Variants in MPDZ observed in about 807,000 individuals in gnomAD.
MPDZ encodes multiple PDZ domain crumbs cell polarity complex component, also known as multiple PDZ domain protein.
In MPDZ, 234 loss-of-function variants were observed where a neutral mutation model predicts 239.1. The observed-to-expected ratio is 0.98, with a 90% CI of 0.88 to 1.09. The LOEUF (loss-of-function observed/expected upper bound fraction) is 1.09, where lower values mean the gene tolerates loss of function less well. Ranked by LOEUF, MPDZ falls within the 50% of genes least tolerant of loss-of-function variation. The pLI is 0.00. For synonymous variants in MPDZ, 1,048 were observed against 881.3 expected (o/e 1.19, Z -3.35); for missense variants, 3,175 against 2,510.0 (o/e 1.26, Z -5.66).
At chr9:13,107,648 T>G (rs1324258697) in intron 46 of MPDZ, among the ~76,000 whole-genome samples, 1 of 152,160 alleles carries the variant, frequency 6.6e-6, no homozygotes, top group South Asian at 2.1e-4. Context: ...TTTCTTTTTG[T>G]GGTTTTGAAA....
intron 17 of MPDZ, among the ~76,000 whole-genome samples, chr9:13,186,680 G>T (rs1365034858): frequency 6.6e-6 from 1 of 151,282 alleles, no homozygotes; most frequent in Non-Finnish European, 1.5e-5. Flanking sequence ...TTTTTTAAAT[G>T]AATTTTTTTT....
At chr9:13,241,283 G>C (rs1965339543) in intron 3 of MPDZ, among the ~76,000 whole-genome samples, 1 of 152,140 alleles carries the variant, frequency 6.6e-6, no homozygotes, top group Non-Finnish European at 1.5e-5. Flanking sequence ...TTTGCTGTCA[G>C]GTGGCTACAA....
intron 1 of MPDZ, among the ~76,000 whole-genome samples, chr9:13,252,353 G>A (rs371722992): frequency 1.3e-5 from 2 of 151,178 alleles, no homozygotes; most frequent in African/African-American, 2.4e-5. Flanking sequence ...GGATCACGAG[G>A]TCAGGAGATC....
chr9:13,202,442 T>C (rs957243922), intron 12 of MPDZ, among the ~76,000 whole-genome samples: 1 of 152,160 alleles, frequency 6.6e-6, no homozygotes, highest in Non-Finnish European at 1.5e-5. Context: ...GACAGGATCT[T>C]TCCACAGATT....
intron 11 of MPDZ, among the ~76,000 whole-genome samples, chr9:13,205,344 G>C (rs183204620): frequency 6.6e-6 from 1 of 152,238 alleles, no homozygotes; most frequent in African/African-American, 2.4e-5. Flanking sequence ...ATAAATATCA[G>C]AATGGTCAAC....
chr9:13,236,561 G>C (rs1030892900), intron 3 of MPDZ, among the ~76,000 whole-genome samples: 1 of 151,368 alleles, frequency 6.6e-6, no homozygotes, highest in Non-Finnish European at 1.5e-5. Flanking sequence ...GATTACAGGC[G>C]TGAGCCACTG....
intron 28 of MPDZ, 61 bp from the exon 29 acceptor site, chr9:13,138,214 T>C: frequency 1.4e-6 from 2 of 1,400,426 alleles, no homozygotes; most frequent in Non-Finnish European, 1.9e-6. Flanking sequence ...AATGCTTTAC[T>C]GTGGAAAGCT....
chr9:13,157,646 C>T (rs1258269420), intron 24 of MPDZ, among the ~76,000 whole-genome samples: 2 of 152,082 alleles, frequency 1.3e-5, no homozygotes, highest in African/African-American at 2.4e-5. Context: ...CACACACACA[C>T]ACACACGTTC....
At chr9:13,218,187 A>AC (rs1174871221) in intron 8 of MPDZ, among the ~76,000 whole-genome samples, 3 of 151,960 alleles carry the variant, frequency 2.0e-5, no homozygotes, top group Admixed American at 2.0e-4. Context: ...AGTTTGATTT[A>AC]TTTTTTTCAT....
intron 3 of MPDZ, among the ~76,000 whole-genome samples, chr9:13,234,001 T>A (rs1963264654): frequency 6.8e-6 from 1 of 146,698 alleles, no homozygotes; most frequent in Admixed American, 7.1e-5. Flanking sequence ...CATATTTTAA[T>A]CTCTGTAATA....
intron 8 of MPDZ, 89 bp from the exon 9 acceptor site, chr9:13,217,383 A>AT: frequency 1.2e-6 from 1 of 847,434 alleles, no homozygotes; most frequent in Non-Finnish European, 1.8e-6. Context: ...AAACCATGAT[A>AT]AAATAAAGCC....
At chr9:13,190,525 T>A (rs920176323) in intron 15 of MPDZ, among the ~76,000 whole-genome samples, 2 of 152,110 alleles carry the variant, frequency 1.3e-5, no homozygotes, top group Admixed American at 6.6e-5. Context: ...AATATATGAT[T>A]CAAAGGTCTA....
At chr9:13,266,607 C>G (rs1428495063) in intron 1 of MPDZ, among the ~76,000 whole-genome samples, 1 of 152,104 alleles carries the variant, frequency 6.6e-6, no homozygotes, top group Non-Finnish European at 1.5e-5. Context: ...TTACTCTTTC[C>G]AAACACATAA....
At chr9:13,153,034 ATGTTG>A (rs1350138481) in intron 24 of MPDZ, among the ~76,000 whole-genome samples, 1 of 152,118 alleles carries the variant, frequency 6.6e-6, no homozygotes, top group African/African-American at 2.4e-5. Context: ...AAGGAAGACA[ATGTTG>A]GACATTAAGT....
chr9:13,146,143 C>T (rs1482233659), intron 26 of MPDZ, among the ~76,000 whole-genome samples: 1 of 151,942 alleles, frequency 6.6e-6, no homozygotes, highest in Non-Finnish European at 1.5e-5. Flanking sequence ...ATAATTATTA[C>T]CTAACAATAA....
In MPDZ at chr9:13,217,212, G is replaced by A. The variant is rs1433473978; in HGVS notation, c.1169C>T (p.Thr390Ile). ...LTKNVQGLGI[T>I]IAGYIGDKKL... The stretch of plus-strand genomic sequence containing the variant: ...TTTATCTCCAATGTAGCCAGCAATG[G>A]TAATTCCTAATCCTTGGACATTTTT... Residue 390 changes from threonine to isoleucine, a missense_variant, in exon 9 of 47, where the codon ACC (threonine) becomes ATC (isoleucine). Thr to Ile is a moderately conservative substitution (Grantham distance 89). Transcript: ENST00000319217. The A allele has an allele frequency of 6.3e-7, 1 of 1,599,878 alleles. No homozygotes were observed. The highest frequency in any genetic ancestry group is 8.5e-7 in the Non-Finnish European group (1 of 1,173,648).
chr9:13,132,191 A>G (rs771822034), intron 32 of MPDZ, among the ~76,000 whole-genome samples: 6 of 152,216 alleles, frequency 3.9e-5, no homozygotes, highest in Admixed American at 1.3e-4. Flanking sequence ...ATAAAAAAGG[A>G]GGCGAAAGGC....
intron 3 of MPDZ, among the ~76,000 whole-genome samples, chr9:13,228,376 G>C (rs1237777497): frequency 6.6e-6 from 1 of 152,004 alleles, no homozygotes; most frequent in Non-Finnish European, 1.5e-5. Flanking sequence ...AATTCTATGT[G>C]AAAGGGCAAA....
chr9:13,142,336 G>A (rs979441769), intron 27 of MPDZ, among the ~76,000 whole-genome samples: 1 of 152,006 alleles, frequency 6.6e-6, no homozygotes, highest in Non-Finnish European at 1.5e-5. Flanking sequence ...TAACCTACCT[G>A]ACTAATAAAA....
Sources: allele counts gnomAD v4.1 joint callset (sites outside exome capture counted in the v4.1 genomes callset), GRCh38; gene constraint gnomAD v4.1.1; transcripts MANE v1.5; gene names NCBI Gene and HGNC (gene_info 2026-07-23, HGNC 2026-07-21).